RANBP2: variants seen among roughly 807,000 people sequenced by gnomAD.
The protein encoded by RANBP2 is E3 SUMO-protein ligase RanBP2.
Under a neutral mutation model 303.6 loss-of-function variants are expected in RANBP2, and 57 were observed. The ratio of observed to expected loss-of-function variants is 0.19; its 90% CI spans 0.15 to 0.23. The LOEUF is 0.23. Among genes scored for constraint, RANBP2 ranks in the 10% least tolerant of loss-of-function variants. The probability of loss-of-function intolerance (pLI) is 1.00; values close to 1 mark genes in which losing one functional copy is unlikely to be tolerated. For missense variants in RANBP2, 3,138 were observed against 3,780.8 expected (o/e 0.83, Z 4.46); for synonymous variants, 1,167 against 1,301.5 (o/e 0.90, Z 2.23).
the RANBP2 span, among the ~76,000 whole-genome samples, chr2:108,819,860 AG>A: frequency 1.2e-5 from 1 of 81,976 alleles, no homozygotes; most frequent in Non-Finnish European, 3.5e-5. Flanking sequence ...AAAGAAATGC[AG>A]ATCTCTGAAC....
the RANBP2 span, among the ~76,000 whole-genome samples, chr2:109,711,182 G>A: frequency 2.0e-5 from 3 of 152,052 alleles, no homozygotes; most frequent in African/African-American, 7.2e-5. Context: ...CAGCCGCCCC[G>A]GCAAGTCCCC....
At chr2:108,812,045 A>G in the RANBP2 span, among the ~76,000 whole-genome samples, 33 of 152,312 alleles carry the variant, frequency 2.2e-4, no homozygotes, top group African/African-American at 7.7e-4. Context: ...TAAAAAAATA[A>G]TTGGATACCC....
the RANBP2 span, among the ~76,000 whole-genome samples, chr2:108,888,009 A>G: frequency 6.6e-6 from 1 of 152,120 alleles, no homozygotes; most frequent in East Asian, 1.9e-4. Context: ...TGGGCTTGTC[A>G]TAGCCTTTCT....
chr2:109,068,295 G>A, the RANBP2 span, among the ~76,000 whole-genome samples: 1 of 152,210 alleles, frequency 6.6e-6, no homozygotes, highest in Admixed American at 6.5e-5. Flanking sequence ...GGGGTGGGGT[G>A]TTCTAGGCAC....
the RANBP2 span, chr2:108,885,541 AT>A: frequency 1.3e-5 from 2 of 152,160 alleles, no homozygotes; most frequent in Admixed American, 1.3e-4. Flanking sequence ...CAGACTTTTT[AT>A]TTTTTATTTG....
the RANBP2 span, among the ~76,000 whole-genome samples, chr2:108,971,945 C>T: frequency 1.3e-5 from 2 of 152,214 alleles, no homozygotes; most frequent in African/African-American, 2.4e-5. Flanking sequence ...CACATAGGGG[C>T]AACAGAGGAG....
At chr2:108,776,124 T>C (rs1402198528) in intron 24 of RANBP2, among the ~76,000 whole-genome samples, 188 bp downstream of exon 24, 1 of 152,124 alleles carries the variant, frequency 6.6e-6, no homozygotes, top group Non-Finnish European at 1.5e-5. Context: ...ATAAACATGT[T>C]TTTATTGATA....
the RANBP2 span, among the ~76,000 whole-genome samples, chr2:109,102,820 T>A: frequency 6.6e-6 from 1 of 152,188 alleles, no homozygotes; most frequent in Non-Finnish European, 1.5e-5. Flanking sequence ...CAGAGAATAA[T>A]GGGAGCTACT....
the RANBP2 span, among the ~76,000 whole-genome samples, chr2:109,587,102 A>T: frequency 6.6e-6 from 1 of 152,244 alleles, no homozygotes; most frequent in East Asian, 1.9e-4. Context: ...TTAAATAATG[A>T]TAACAAATAT....
the RANBP2 span, among the ~76,000 whole-genome samples, chr2:109,317,920 C>T: frequency 1.3e-5 from 2 of 152,046 alleles, no homozygotes; most frequent in Non-Finnish European, 2.9e-5. Flanking sequence ...TCGCTGGCTG[C>T]ACCGCTGAGG....
chr2:108,958,462 A>G, the RANBP2 span, among the ~76,000 whole-genome samples: 4 of 152,130 alleles, frequency 2.6e-5, no homozygotes, highest in Non-Finnish European at 4.4e-5. Flanking sequence ...AGTGCCTTCC[A>G]GGAGCTGAGG....
rs1675905256 is a variant in RANBP2 at position 108,751,776 on chromosome 2, GATTTA to G, written c.1631+78_1631+82del. The G allele has an allele frequency of 1.9e-6, 3 of 1,611,876 alleles. No individual in the cohort carries two copies. In the Admixed American group the frequency reaches 5.0e-5, roughly 27 times the overall value. On this transcript the variant is annotated intron_variant, in intron 11 of 28. Transcript: ENST00000283195. ...ACCGGGGATTTAATCCTCATGTGAA[GATTTA>G]ATTTGTCATGTGACCCATTAACATA...
the RANBP2 span, among the ~76,000 whole-genome samples, chr2:109,723,718 G>T: frequency 1.3e-5 from 2 of 152,128 alleles, no homozygotes; most frequent in African/African-American, 4.8e-5. Flanking sequence ...TGTATAGGTT[G>T]TCTGTTCACT....
At chr2:109,517,396 A>G in the RANBP2 span, among the ~76,000 whole-genome samples, 1 of 152,306 alleles carries the variant, frequency 6.6e-6, no homozygotes, top group Middle Eastern at 3.4e-3. Flanking sequence ...TGAGGCTTGC[A>G]GGAGTCTCTG....
At chr2:109,733,411 A>G in the RANBP2 span, among the ~76,000 whole-genome samples, 1 of 151,080 alleles carries the variant, frequency 6.6e-6, no homozygotes, top group Admixed American at 6.6e-5. Context: ...AATTAGGAAC[A>G]GAGGGAAAAT....
At chr2:109,693,761 A>G in the RANBP2 span, among the ~76,000 whole-genome samples, 2 of 152,190 alleles carry the variant, frequency 1.3e-5, no homozygotes, top group East Asian at 3.9e-4. Context: ...CAATGTTCAT[A>G]TTAAATATGT....
the RANBP2 span, among the ~76,000 whole-genome samples, chr2:108,914,342 T>C: frequency 6.6e-6 from 1 of 152,166 alleles, no homozygotes; most frequent in Admixed American, 6.5e-5. Context: ...GAACTACCCA[T>C]GGCCTCCTTG....
At chr2:109,763,000 G>A in the RANBP2 span, among the ~76,000 whole-genome samples, 28 of 146,742 alleles carry the variant, frequency 1.9e-4, no homozygotes, top group African/African-American at 6.3e-4. Context: ...TTAAGTTTAT[G>A]GTTACTTTTA....
chr2:109,341,326 A>G, the RANBP2 span, among the ~76,000 whole-genome samples: 1 of 152,222 alleles, frequency 6.6e-6, no homozygotes, highest in African/African-American at 2.4e-5. Flanking sequence ...AAAGTGGAAG[A>G]TGGGATACAC....
Sources: gnomAD v4.1 joint callset for allele counts (sites outside exome capture counted in the v4.1 genomes callset) on GRCh38, gnomAD v4.1.1 for gene constraint, MANE v1.5 for transcripts, NCBI Gene and HGNC (gene_info 2026-07-23, HGNC 2026-07-21) for gene names.